The following SKA3 variants were observed in gnomAD, a reference collection of about 807,000 sequenced individuals.
The protein encoded by SKA3 is spindle and kinetochore-associated protein 3.
SKA3 carries 39 observed loss-of-function variants against 44.2 expected under a neutral mutation model. The observed-to-expected ratio is 0.88, with a 90% CI of 0.68 to 1.15. The LOEUF is 1.15. SKA3 is among the 50% of genes most tolerant of loss of function. The probability of loss-of-function intolerance (pLI) is 0.00; values close to 1 mark genes in which losing one functional copy is unlikely to be tolerated. For missense variants in SKA3, 511 were observed against 485.8 expected, an observed-to-expected ratio of 1.05 and a Z score of -0.49; for synonymous variants, 192 against 172.0, an observed-to-expected ratio of 1.12 and a Z score of -0.91.
At chr13:21,169,083 T>C (rs1198511137) in intron 3 of SKA3, among the ~76,000 whole-genome samples, 4 of 151,416 alleles carry the variant, frequency 2.6e-5, no homozygotes, top group South Asian at 2.1e-4. Context: ...TTCTGTAGCT[T>C]TGACTGTTGC....
intron 3 of SKA3, among the ~76,000 whole-genome samples, chr13:21,171,531 C>A (rs565788582): frequency 6.7e-6 from 1 of 150,198 alleles, no homozygotes; most frequent in African/African-American, 2.5e-5. Flanking sequence ...GAGCCGAGAT[C>A]GCGCCACTGC....
chr13:21,168,589 T>C (rs1329171401), intron 3 of SKA3, among the ~76,000 whole-genome samples, 190 bp from the exon 4 acceptor site: 2 of 152,138 alleles, frequency 1.3e-5, no homozygotes, highest in Admixed American at 1.3e-4. Flanking sequence ...TACAGAGGTG[T>C]GATCACAGCT....
chr13:21,155,744 C>A lies in SKA3; in HGVS notation c.1187G>T (p.Arg396Met), dbSNP rs142890023. The A allele has an allele frequency of 2.6e-3, 4,236 of 1,611,174 alleles. 24 individuals are homozygous for A. Among genetic ancestry groups the A allele is most frequent in the Middle Eastern group, 7.4e-3 (45 of 6,056 alleles). ...GATGTTCTGTCCATGTTTAAGGAAC[C>A]TTTTACTGGGTGGCACTGCTTTAAT... ...IAIKAVPPSKRFLKHGQNIRD... is the reference protein window; with the variant it reads ...IAIKAVPPSKMFLKHGQNIRD... Residue 396 changes from arginine (R) to methionine (M), a missense_variant, in exon 8 of 9, where the codon AGG (arginine) becomes ATG (methionine). By Grantham distance (91) the Arg-to-Met change is moderately conservative. Coordinates refer to ENST00000314759, the MANE Select transcript of SKA3 (RefSeq NM_145061.6).
chr13:21,162,180 T>G (rs1322103134), intron 4 of SKA3, among the ~76,000 whole-genome samples: 1 of 152,198 alleles, frequency 6.6e-6, no homozygotes, highest in Non-Finnish European at 1.5e-5. Context: ...GCCATTTTTT[T>G]AAGACTAAAA....
chr13:21,163,984 G>A (rs1236615611), intron 4 of SKA3, among the ~76,000 whole-genome samples: 5 of 151,572 alleles, frequency 3.3e-5, no homozygotes, highest in African/African-American at 9.7e-5. Context: ...GGCTGGTCTC[G>A]AACTCCTGAC....
In SKA3 at chr13:21,165,343, G is replaced by A. The variant is rs956433100; in HGVS notation, c.743+2645C>T. On this transcript the variant is annotated intron_variant, in intron 4 of 8. Transcript: ENST00000314759. ...AAGCTGAGGCAGGAGGACTGCTTGA[G>A]TCTAGGAAGTCGAAGCTGCAGTGAG... 2.6e-5 allele frequency among the ~76,000 whole-genome samples: 4 copies of A among 151,888 alleles called. No individual in the cohort carries two copies. The East Asian group carries it at 7.7e-4, about 29-fold the overall frequency.
chr13:21,161,963 T>C, intron 4 of SKA3, 88 bp from the exon 5 acceptor site: 1 of 870,990 alleles, frequency 1.1e-6, no homozygotes, highest in East Asian at 2.7e-5. Flanking sequence ...AATATCAAGT[T>C]TGGACAAACA....
chr13:21,170,064 T>C (rs963553485), intron 3 of SKA3, among the ~76,000 whole-genome samples: 1 of 152,166 alleles, frequency 6.6e-6, no homozygotes, highest in Non-Finnish European at 1.5e-5. Context: ...GACTGCTATA[T>C]AAAGATAAGT....
chr13:21,173,289 T>G (rs1158288011), intron 1 of SKA3, among the ~76,000 whole-genome samples: 1 of 152,156 alleles, frequency 6.6e-6, no homozygotes, highest in Non-Finnish European at 1.5e-5. Flanking sequence ...GGAGTTTCGC[T>G]CTTGTTGCCC....
At chr13:21,155,235 T>A in intron 8 of SKA3, 85 bp from the exon 9 acceptor site, 1 of 993,082 alleles carries the variant, frequency 1.0e-6, no homozygotes, top group Non-Finnish European at 1.4e-6. Context: ...GCTATATATT[T>A]TACACTTATA....
intron 5 of SKA3, among the ~76,000 whole-genome samples, chr13:21,160,963 A>C (rs909617228): frequency 3.3e-4 from 50 of 152,288 alleles, no homozygotes; most frequent in African/African-American, 1.2e-3. Context: ...TCTACCAAAA[A>C]AATACAAACA....
intron 4 of SKA3, among the ~76,000 whole-genome samples, chr13:21,164,198 A>G (rs1251636278): frequency 6.6e-6 from 1 of 152,170 alleles, no homozygotes; most frequent in Non-Finnish European, 1.5e-5. Context: ...TTATCATGTT[A>G]TAACACTTTT....
rs1437641059 is a variant in SKA3, at chr13:21,176,501, C to G, written c.-24G>C. 6.1e-6 allele frequency: 9 copies of G among 1,476,532 alleles called. No homozygotes were observed. The highest frequency in any genetic ancestry group is 8.1e-6 in the Non-Finnish European group (9 of 1,105,398). 91.5% of individuals were successfully genotyped at this position (1,476,532 alleles called of 1,614,324 possible). A position where few individuals can be genotyped will look rare whatever the true frequency, so the allele number is the denominator to read the frequency against. On this transcript the variant is annotated 5_prime_UTR_variant, in exon 1 of 9. Coordinates refer to ENST00000314759, the MANE Select transcript of SKA3 (RefSeq NM_145061.6). ...ATGCTGAGCACAGCGGGGAAGGACT[C>G]CAGGCGTACGCAGACCCCACCGCTC...
At position 21,168,394 on chromosome 13, in the gene SKA3, CGT is replaced by C; in HGVS notation, c.335_336del (p.His112ArgfsTer6). ...YSPRVKKNSV[H>X]EQEAINSDPE... ...GGGTCAGAGTTAATGGCTTCTTGCT[CGT>C]GTACTAGGAGGAAAAATCAGAATAT... On this transcript the variant is annotated frameshift_variant, in exon 4 of 9. Transcript: ENST00000314759. LOFTEE classifies it high-confidence loss of function. 1.3e-6 allele frequency: 2 copies of C among 1,590,816 alleles called. No individual in the cohort carries two copies. Among genetic ancestry groups the C allele is most frequent in the South Asian group, 2.3e-5 (2 of 87,494 alleles).
intron 4 of SKA3, among the ~76,000 whole-genome samples, chr13:21,166,975 C>T (rs973156926): frequency 6.6e-6 from 1 of 151,922 alleles, no homozygotes; most frequent in African/African-American, 2.4e-5. Context: ...AAGTATTTAT[C>T]TATAGACATT....
chr13:21,168,700 A>AT (rs1002773149), intron 3 of SKA3, among the ~76,000 whole-genome samples: 26 of 151,522 alleles, frequency 1.7e-4, no homozygotes, highest in Non-Finnish European at 2.7e-4. Flanking sequence ...AATTTTAAAA[A>AT]TTTTTTTTTG....
Position 21,153,822 on chromosome 13 carries a change from CGGTACACAGTGAAAGGCT to C in SKA3, c.*1310_*1327del, listed in dbSNP as rs1420118159. 1 of 152,196 alleles carries C rather than the reference CGGTACACAGTGAAAGGCT, an allele frequency of 6.6e-6. No individual in the cohort carries two copies. The highest frequency in any genetic ancestry group is 1.9e-4 in the East Asian group (1 of 5,202). 9.4% of individuals were successfully genotyped at this position (152,196 alleles called of 1,614,324 possible). ...CCGGTTCTGTGGATTTATATACACA[CGGTACACAGTGAAAGGCT>C]GGTATACATTTCAGAGTCAATGGCA... On this transcript the variant is annotated 3_prime_UTR_variant, in exon 9 of 9. Coordinates refer to ENST00000314759, the MANE Select transcript of SKA3 (RefSeq NM_145061.6).
intron 5 of SKA3, among the ~76,000 whole-genome samples, chr13:21,161,146 C>T (rs953584276): frequency 1.3e-5 from 2 of 151,914 alleles, no homozygotes; most frequent in African/African-American, 2.4e-5. Context: ...AGCTGGACGT[C>T]GTGGTGTGTG....
chr13:21,172,841 C>CTTTT (rs373498335), intron 1 of SKA3, 160 bp from the exon 2 acceptor site: 18 of 287,312 alleles, frequency 6.3e-5, no homozygotes, highest in East Asian at 1.4e-4. Flanking sequence ...TTTACCGTAC[C>CTTTT]TTTTTTATGT....
Sources: allele counts gnomAD v4.1 joint callset (sites outside exome capture counted in the v4.1 genomes callset), GRCh38; gene constraint gnomAD v4.1.1; transcripts MANE v1.5; gene names NCBI Gene and HGNC (gene_info 2026-07-23, HGNC 2026-07-21).